CDH11: variants seen among roughly 807,000 people sequenced by gnomAD.
The protein encoded by CDH11 is cadherin 11, also known as cadherin-11.
Under a neutral mutation model 67.8 loss-of-function variants are expected in CDH11, and 11 were observed. The ratio of observed to expected loss-of-function variants is 0.16; its 90% CI spans 0.10 to 0.27. CDH11 has a LOEUF of 0.27. CDH11 is among the 10% of genes least tolerant of loss of function. The pLI is 1.00. For missense variants in CDH11, 847 were observed against 1,031.2 expected (o/e 0.82, Z 2.45); for synonymous variants, 419 against 400.0 (o/e 1.05, Z -0.57).
At chr16:64,961,064 C>T (rs1025609768) in intron 11 of CDH11, among the ~76,000 whole-genome samples, 1 of 151,994 alleles carries the variant, frequency 6.6e-6, no homozygotes, top group African/African-American at 2.4e-5. Context: ...ACTGTGAAAG[C>T]CTTCTTTTAG....
intron 1 of CDH11, among the ~76,000 whole-genome samples, chr16:65,080,805 G>C (rs889432132): frequency 1.3e-5 from 2 of 152,060 alleles, no homozygotes; most frequent in Non-Finnish European, 2.9e-5. Flanking sequence ...TTGGTAATTT[G>C]TCCATTCTTT....
At chr16:65,016,283 C>A (rs1464349433) in intron 2 of CDH11, among the ~76,000 whole-genome samples, 1 of 151,962 alleles carries the variant, frequency 6.6e-6, no homozygotes, top group Non-Finnish European at 1.5e-5. Context: ...CTATTTCTTT[C>A]TTTTCAGATG....
At chr16:65,080,555 T>C (rs1567566875) in intron 1 of CDH11, among the ~76,000 whole-genome samples, 1 of 152,186 alleles carries the variant, frequency 6.6e-6, no homozygotes, top group Non-Finnish European at 1.5e-5. Context: ...CTTTCTTTGA[T>C]TAGTAACAAG....
chr16:65,012,917 T>C (rs963371098), intron 2 of CDH11, among the ~76,000 whole-genome samples: 17 of 152,226 alleles, frequency 1.1e-4, no homozygotes, highest in African/African-American at 4.1e-4. Context: ...AAAATAACTC[T>C]AGACCAAAAG....
chr16:65,114,573 G>A (rs562865802), intron 1 of CDH11, among the ~76,000 whole-genome samples: 2 of 152,064 alleles, frequency 1.3e-5, no homozygotes, highest in Non-Finnish European at 2.9e-5. Context: ...GCACACAGTA[G>A]GATCTCAAAA....
At chr16:65,082,852 T>C (rs2074633469) in intron 1 of CDH11, among the ~76,000 whole-genome samples, 1 of 152,216 alleles carries the variant, frequency 6.6e-6, no homozygotes, top group Admixed American at 6.5e-5. Flanking sequence ...ATTACCTTCC[T>C]GGTAGGACCA....
Position 64,947,951 on chromosome 16 carries a change from G to A in CDH11, c.2043C>T (p.Leu681=). The change falls in exon 13 of 13, where the codon CTC becomes CTT. Residue 681 remains leucine (L), a synonymous_variant. Coordinates refer to ENST00000268603, the MANE Select transcript of CDH11 (RefSeq NM_001797.4). ...EDTEAFDIAT[L]QNPDGINGFI... is the part of the protein sequence containing the mutation. ...ATCCATTGATACCATCAGGATTCTG[G>A]AGGGTGGCAATATCAAAGGCTTCTG... 1 of 1,614,150 alleles carries A rather than the reference G, an allele frequency of 6.2e-7. No individual in the cohort carries two copies.
chr16:65,088,724 A>G (rs1316667735), intron 1 of CDH11, among the ~76,000 whole-genome samples: 1 of 152,164 alleles, frequency 6.6e-6, no homozygotes, highest in Non-Finnish European at 1.5e-5. Context: ...GGATGAACAC[A>G]TTTTTATGAG....
chr16:65,001,567 G>A (rs919542634), intron 3 of CDH11, among the ~76,000 whole-genome samples: 4 of 152,092 alleles, frequency 2.6e-5, no homozygotes, highest in African/African-American at 9.7e-5. Flanking sequence ...TCTTTCTAGA[G>A]GCCTTCATAT....
chr16:64,972,175 G>A (rs993966799), intron 9 of CDH11, 111 bp from the exon 10 acceptor site: 27 of 885,080 alleles, frequency 3.1e-5, no homozygotes, highest in Non-Finnish European at 3.9e-5. Context: ...GCAGTGCAGG[G>A]AAAGATGTTC....
At chr16:65,003,259 T>A (rs2142524519) in intron 3 of CDH11, among the ~76,000 whole-genome samples, 1 of 152,114 alleles carries the variant, frequency 6.6e-6, no homozygotes, top group South Asian at 2.1e-4. Flanking sequence ...ATTTATTTAT[T>A]TATTCATTCA....
At chr16:65,011,081 TACAC>T (rs2073172835) in intron 2 of CDH11, among the ~76,000 whole-genome samples, 1 of 129,764 alleles carries the variant, frequency 7.7e-6, no homozygotes, top group South Asian at 2.3e-4. Flanking sequence ...TATGTATATA[TACAC>T]ACACATATTT....
In CDH11 at chr16:65,121,512, G is replaced by A. The variant is rs1490668412; in HGVS notation, c.-298+368C>T. ...GGCGACTTTCCCCAGAGATATGACC[G>A]GGGACAGTCGGCGTGTCCGGAGGTC... is the stretch of plus-strand genomic sequence containing the variant. On this transcript the variant is annotated intron_variant, in intron 1 of 12. Transcript: ENST00000268603. This position sits in a 1 kb window ranked among gnomAD's most constrained non-coding sequence, Gnocchi z 4.1. Among the ~76,000 whole-genome samples the A allele has an allele frequency of 6.6e-6, 1 of 152,072 alleles. No homozygotes were observed. The highest frequency in any genetic ancestry group is 2.0e-4 in the East Asian group (1 of 5,120).
intron 7 of CDH11, 179 bp from the exon 8 acceptor site, chr16:64,982,480 C>A: frequency 1.7e-6 from 1 of 598,896 alleles, no homozygotes; most frequent in Non-Finnish European, 2.9e-6. Context: ...TTGCTGAAAC[C>A]TAGAATGTGC....
intron 2 of CDH11, among the ~76,000 whole-genome samples, chr16:65,017,085 G>A (rs892725317): frequency 1.3e-5 from 2 of 152,158 alleles, no homozygotes; most frequent in African/African-American, 4.8e-5. Context: ...GGTTTTGGTG[G>A]ACTTTGGCCA....
chr16:65,095,074 T>C (rs1202708727), intron 1 of CDH11, among the ~76,000 whole-genome samples: 1 of 152,202 alleles, frequency 6.6e-6, no homozygotes, highest in Admixed American at 6.5e-5. Flanking sequence ...TGTGTGTTAC[T>C]ACCTCTAATG....
chr16:65,043,956 T>G (rs1353937352), intron 2 of CDH11, among the ~76,000 whole-genome samples: 8 of 152,104 alleles, frequency 5.3e-5, no homozygotes, highest in Admixed American at 5.2e-4. Flanking sequence ...TTCTATGGAA[T>G]GGGGCAGCTA....
At chr16:64,996,868 A>T (rs1031124608) in intron 4 of CDH11, among the ~76,000 whole-genome samples, 1 of 152,134 alleles carries the variant, frequency 6.6e-6, no homozygotes, top group Non-Finnish European at 1.5e-5. Context: ...GGGAATAATA[A>T]ACACAGGATT....
At chr16:64,962,795 T>G (rs2071707925) in intron 11 of CDH11, among the ~76,000 whole-genome samples, 1 of 152,170 alleles carries the variant, frequency 6.6e-6, no homozygotes, top group Non-Finnish European at 1.5e-5. Flanking sequence ...TATCAGAGAC[T>G]AACTGACCTG....
Sources: gnomAD v4.1 joint callset for allele counts (sites outside exome capture counted in the v4.1 genomes callset) on GRCh38, gnomAD v4.1.1 for gene constraint, Gnocchi (gnomAD v3.1) non-coding constraint, MANE v1.5 for transcripts, NCBI Gene and HGNC (gene_info 2026-07-23, HGNC 2026-07-21) for gene names.